The following KIR3DL1 variants were observed in gnomAD, a reference collection of about 807,000 sequenced individuals.
The protein encoded by KIR3DL1 is killer cell immunoglobulin like receptor, three Ig domains and long cytoplasmic tail 1, also known as killer cell immunoglobulin-like receptor 3DL1.
A neutral mutation model predicts 40.3 loss-of-function variants in KIR3DL1; 50 were observed. The observed-to-expected ratio is 1.24, with a 90% CI of 0.99 to 1.57. KIR3DL1 has a LOEUF of 1.57. Ranked by LOEUF, KIR3DL1 falls within the 40% of genes most tolerant of loss-of-function variation. The probability of loss-of-function intolerance (pLI) is 0.00; values close to 1 mark genes in which losing one functional copy is unlikely to be tolerated. For synonymous variants in KIR3DL1, 257 were observed against 207.2 expected (o/e 1.24, Z -2.07); for missense variants, 661 against 559.9 (o/e 1.18, Z -1.82).
Position 54,830,521 on chromosome 19 carries a change from C to A in KIR3DL1, c.*246C>A, listed in dbSNP as rs1297528039. ...CCCACAGTTCTCCATTTCACTTGAC[C>A]CCTGCCCACCTCTCCAACCTAACTG... On this transcript the variant is annotated 3_prime_UTR_variant, in exon 9 of 9. Transcript: ENST00000391728. 9 of 524,466 alleles carry A rather than the reference C, an allele frequency of 1.7e-5. No homozygotes were observed. The Admixed American group carries it at 2.8e-4, about 16-fold the overall frequency. 32.5% of individuals were successfully genotyped at this position (524,466 alleles called of 1,614,324 possible). A position where few individuals can be genotyped will look rare whatever the true frequency, so the allele number is the denominator to read the frequency against.
intron 4 of KIR3DL1, among the ~76,000 whole-genome samples, chr19:54,820,728 G>A (rs2061590301): frequency 6.6e-6 from 1 of 151,078 alleles, no homozygotes; most frequent in African/African-American, 2.4e-5. Flanking sequence ...AAAGAAAAGA[G>A]GGCAGAATGG....
Position 54,819,753 on chromosome 19 carries a change from C to G in KIR3DL1, c.396C>G (p.Pro132=), listed in dbSNP as rs759224770. ...CTTCCCTCCTGGCCCACCCAGGTCC[C>G]CTGGTGAAATCAGGAGAGAGAGTCA... is the stretch of plus-strand genomic sequence containing the variant. Residue 132 remains proline, a synonymous_variant, in exon 4 of 9, where the codon CCC becomes CCG. Coordinates refer to ENST00000391728, the Ensembl canonical transcript of KIR3DL1. 18 of 1,610,230 alleles carry G rather than the reference C, an allele frequency of 1.1e-5. 2 individuals carry two copies. In the African/African-American group the frequency reaches 2.3e-4, roughly 20 times the overall value.
At chr19:54,822,179 CCCATCATGGCCTCTCACCCACACAG>C (rs1458271998) in intron 5 of KIR3DL1, among the ~76,000 whole-genome samples, 1 of 151,186 alleles carries the variant, frequency 6.6e-6, no homozygotes, top group Non-Finnish European at 1.5e-5. Context: ...TTCCCAGAAG[CCCATCATGGCCTCTCACCCACACAG>C]AGAGATATCA....
In KIR3DL1 at chr19:54,829,780, G is replaced by A. The variant is rs2916047; in HGVS notation, c.1106-148G>A. On this transcript the variant is annotated intron_variant, in intron 7 of 8. Coordinates refer to ENST00000391728, the Ensembl canonical transcript of KIR3DL1. ...AGCTATTCATGGGATGGGTCCTTGA[G>A]CTCAGAGAGATAGAATGTCTGAGTC... 3.6e-3 allele frequency: 2,749 copies of A among 757,794 alleles called. 177 individuals are homozygous for A. The African/African-American group carries it at 0.04, about 11-fold the overall frequency. The allele number at this position is 757,794 out of a possible 1,614,324, so 46.9% of individuals were successfully genotyped here. A position where few individuals can be genotyped will look rare whatever the true frequency, so the allele number is the denominator to read the frequency against.
In KIR3DL1 at chr19:54,819,662, G is replaced by T. The variant is rs774601266; in HGVS notation, c.356-51G>T. On this transcript the variant is annotated intron_variant, in intron 3 of 8. Coordinates refer to ENST00000391728, the Ensembl canonical transcript of KIR3DL1. ...ACCCTCACTCATTCCAGGTGCCATG[G>T]ATGGGATGATAAAGAGAGATGCCTT... is the stretch of plus-strand genomic sequence containing the variant. 32 of 1,570,084 alleles carry T rather than the reference G, an allele frequency of 2.0e-5. 1 individual carries two copies. The highest frequency in any genetic ancestry group is 2.6e-6 in the Non-Finnish European group (3 of 1,152,390).
At chr19:54,822,335 C>A (rs1311199657) in intron 5 of KIR3DL1, among the ~76,000 whole-genome samples, 2 of 151,206 alleles carry the variant, frequency 1.3e-5, no homozygotes, top group African/African-American at 4.9e-5. Flanking sequence ...GTCATAAATA[C>A]CTTTATATGC....
At chr19:54,817,594 G>C (rs773862348) in intron 2 of KIR3DL1, 25 bp downstream of exon 2, 2 of 1,493,664 alleles carry the variant, frequency 1.3e-6, no homozygotes, top group Admixed American at 1.8e-5. Context: ...AAACCTTAGG[G>C]TGTCATCTCC....
chr19:54,821,187 A>T (rs1268605755), intron 4 of KIR3DL1, among the ~76,000 whole-genome samples: 1 of 146,648 alleles, frequency 6.8e-6, no homozygotes, highest in Non-Finnish European at 1.5e-5. Context: ...ACATAAATAT[A>T]GATGATAGAT....
At chr19:54,820,702 A>G (rs1442928989) in intron 4 of KIR3DL1, among the ~76,000 whole-genome samples, 1 of 151,390 alleles carries the variant, frequency 6.6e-6, no homozygotes, top group Non-Finnish European at 1.5e-5. Flanking sequence ...TAAGAGATTC[A>G]CAGACACATA....
At chr19:54,829,966 A>G (rs1265943571) in exon 8 of KIR3DL1, 3 of 1,485,844 alleles carry the variant, frequency 2.0e-6, no homozygotes, top group Non-Finnish European at 1.8e-6. Context: ...AGGGAACAGA[A>G]CAGCCAACAG....
rs895943534 is a variant in KIR3DL1 at position 54,829,603 on chromosome 19, A to T, written c.1105+138A>T. The T allele has an allele frequency of 2.3e-5, 18 of 799,842 alleles. 1 individual carries two copies. The African/African-American group carries it at 3.1e-4, about 14-fold the overall frequency. The allele number at this position is 799,842 out of a possible 1,614,324, so 49.5% of individuals were successfully genotyped here. A position where few individuals can be genotyped will look rare whatever the true frequency, so the allele number is the denominator to read the frequency against. On this transcript the variant is annotated intron_variant, in intron 7 of 8. Coordinates refer to ENST00000391728, the Ensembl canonical transcript of KIR3DL1. ...GCCACAGAGGCAGGACTTTCTAGAG[A>T]GAGCACCAGACTCCCTGCCCCTGCC...
chr19:54,819,834 G>T (rs1421289365), exon 4 of KIR3DL1: 1 of 1,611,848 alleles, frequency 6.2e-7, no homozygotes, highest in Non-Finnish European at 8.5e-7. Context: ...ACAAAGAGGG[G>T]ATCTCTAAGG....
rs571257634 is a variant in KIR3DL1, at chr19:54,826,550, C to T, written c.1000+1472C>T. 3.3e-3 allele frequency among the ~76,000 whole-genome samples: 480 copies of T among 146,536 alleles called. 16 individuals are homozygous for T. Among genetic ancestry groups the T allele is most frequent in the African/African-American group, 0.012 (457 of 38,586 alleles). ...GGCCAAGCTTGTCTGAAACTCCCAA[C>T]CTCAAGTGATCCGACCATCTCAGCA... On this transcript the variant is annotated intron_variant, in intron 6 of 8. Transcript: ENST00000391728.
In KIR3DL1 at chr19:54,829,402, G is replaced by A. The variant is rs762944489; in HGVS notation, c.1042G>A (p.Val348Ile). Residue 348 changes from valine to isoleucine, a missense_variant, in exon 7 of 9, where the codon GTC becomes ATC. By Grantham distance (29) the Val-to-Ile change is conservative. Around this residue, in one of 3 missense-constraint regions of KIR3DL1, gnomAD observed 107 missense variants for 129.4 expected, o/e 0.83. Coordinates refer to ENST00000391728, the Ensembl canonical transcript of KIR3DL1. ...GCACATTCTGATTGGGACCTCAGTG[G>A]TCATCATCCTCTTCATCCTCCTCCT... The A allele has an allele frequency of 2.7e-6, 4 of 1,505,370 alleles. 1 individual carries two copies. The African/African-American group carries it at 5.6e-5, about 21-fold the overall frequency. 93.3% of individuals were successfully genotyped at this position (1,505,370 alleles called of 1,614,324 possible). A position where few individuals can be genotyped will look rare whatever the true frequency, so the allele number is the denominator to read the frequency against.
At chr19:54,826,827 TGCTGGG>T (rs2061919765) in intron 6 of KIR3DL1, among the ~76,000 whole-genome samples, 1 of 151,054 alleles carries the variant, frequency 6.6e-6, no homozygotes. Context: ...CTGCCTGAAA[TGCTGGG>T]AATGAGGTGG....
intron 4 of KIR3DL1, among the ~76,000 whole-genome samples, chr19:54,820,236 AAGAG>A (rs1260084022): frequency 6.6e-6 from 1 of 151,452 alleles, no homozygotes; most frequent in African/African-American, 2.4e-5. Flanking sequence ...GGAGGTAGAA[AAGAG>A]AGAAAGAGGT....
intron 2 of KIR3DL1, among the ~76,000 whole-genome samples, 158 bp downstream of exon 2, chr19:54,817,727 A>T (rs620977): frequency 0.57 from 75,828 of 133,492 alleles, 23,135 homozygotes; most frequent in East Asian, 0.79. Context: ...CCGGCCTTTC[A>T]TTCCCTTTCC....
At chr19:54,825,967 T>C (rs1408625872) in intron 6 of KIR3DL1, among the ~76,000 whole-genome samples, 2 of 151,338 alleles carry the variant, frequency 1.3e-5, no homozygotes, top group African/African-American at 2.5e-5. Context: ...TTGGGGATTC[T>C]ATTGGGTTCA....
chr19:54,829,245 G>C, intron 6 of KIR3DL1, 116 bp from the exon 7 acceptor site: 3 of 865,362 alleles, frequency 3.5e-6, no homozygotes, highest in Non-Finnish European at 5.4e-6. Context: ...CCGCCATCTG[G>C]GTGCTTGTCC....
Sources: gnomAD v4.1 joint callset for allele counts (sites outside exome capture counted in the v4.1 genomes callset) on GRCh38, gnomAD v4.1.1 for gene constraint, gnomAD v4.1.1 regional missense constraint, MANE v1.5 for transcripts, NCBI Gene and HGNC (gene_info 2026-07-23, HGNC 2026-07-21) for gene names.